The following DLC1 variants were observed in gnomAD, a reference collection of about 807,000 sequenced individuals.
The protein encoded by DLC1 is rho GTPase-activating protein 7.
Under a neutral mutation model 140.3 loss-of-function variants are expected in DLC1, and 54 were observed. The ratio of observed to expected loss-of-function variants is 0.38; its 90% CI spans 0.31 to 0.48. DLC1 has a LOEUF of 0.48. Among genes scored for constraint, DLC1 ranks in the 20% least tolerant of loss-of-function variants. The pLI is 0.96. For missense variants in DLC1, 2,536 were observed against 1,907.0 expected (o/e 1.33, Z -6.14); for synonymous variants, 986 against 728.1 (o/e 1.35, Z -5.70).
At chr8:13,396,841 C>T (rs1228681326) in intron 3 of DLC1, among the ~76,000 whole-genome samples, 1 of 152,140 alleles carries the variant, frequency 6.6e-6, no homozygotes, top group Non-Finnish European at 1.5e-5. Context: ...CTCACATCCG[C>T]TCCCTCCTTT....
intron 2 of DLC1, among the ~76,000 whole-genome samples, chr8:13,420,464 A>G (rs1838266062): frequency 6.6e-6 from 1 of 152,122 alleles, no homozygotes; most frequent in Non-Finnish European, 1.5e-5. Flanking sequence ...ATAGGTATAC[A>G]TGTGCCATGG....
intron 1 of DLC1, among the ~76,000 whole-genome samples, chr8:13,529,612 T>G (rs915604142): frequency 2.6e-5 from 4 of 152,166 alleles, no homozygotes; most frequent in Admixed American, 2.6e-4. Context: ...TTTCAACAGT[T>G]GTATCTAAAG....
intron 5 of DLC1, among the ~76,000 whole-genome samples, chr8:13,289,490 C>G (rs766625154): frequency 6.6e-6 from 1 of 152,154 alleles, no homozygotes; most frequent in Non-Finnish European, 1.5e-5. Context: ...CCATGCCCAG[C>G]TAATTGTTCA....
intron 4 of DLC1, among the ~76,000 whole-genome samples, chr8:13,366,770 C>G (rs989690867): frequency 6.6e-6 from 1 of 152,142 alleles, no homozygotes; most frequent in Admixed American, 6.6e-5. Flanking sequence ...AAAGATCTTT[C>G]CAGACCAAGG....
At chr8:13,603,599 C>G (rs1274715411) in intron 1 of DLC1, among the ~76,000 whole-genome samples, 1 of 152,056 alleles carries the variant, frequency 6.6e-6, no homozygotes, top group Non-Finnish European at 1.5e-5. Context: ...TCTTCGCTCT[C>G]TACATCATAG....
chr8:13,386,136 A>T (rs1410856047), intron 4 of DLC1, among the ~76,000 whole-genome samples: 1 of 152,130 alleles, frequency 6.6e-6, no homozygotes. Flanking sequence ...GAAAAACTAA[A>T]TTTTTCTCAT....
Position 13,451,061 on chromosome 8 carries a change from A to AAAAAAAAAAAAAAAAAAG in DLC1, c.1023+47987_1023+47988insCTTTTTTTTTTTTTTTTT, listed in dbSNP as rs1563357501. Among the ~76,000 whole-genome samples, 5 of 138,466 alleles carry AAAAAAAAAAAAAAAAAAG rather than the reference A, an allele frequency of 3.6e-5. 1 individual carries two copies. The highest frequency in any genetic ancestry group is 7.6e-5 in the Non-Finnish European group (5 of 65,560). 90.8% of individuals were successfully genotyped at this position (138,466 alleles called of 152,430 possible). On this transcript the variant is annotated intron_variant, in intron 2 of 17. Coordinates refer to ENST00000276297, the MANE Select transcript of DLC1 (RefSeq NM_182643.3). ...TCAAAAAAAAAAAAAAAAAAAAAAA[A>AAAAAAAAAAAAAAAAAAG]AAAAAAAGAAAAAAAGAAAAAGGAT...
chr8:13,329,338 C>T (rs1175440094), intron 4 of DLC1, among the ~76,000 whole-genome samples: 1 of 151,722 alleles, frequency 6.6e-6, no homozygotes, highest in African/African-American at 2.4e-5. Flanking sequence ...TGGTCCAGAT[C>T]ATTGGGATGC....
intron 5 of DLC1, among the ~76,000 whole-genome samples, chr8:13,173,235 C>T (rs553621352): frequency 4.8e-4 from 73 of 152,148 alleles, no homozygotes; most frequent in Non-Finnish European, 1.0e-3. Context: ...GGGCAGGATC[C>T]AGGTCTCTTC....
intron 1 of DLC1, among the ~76,000 whole-genome samples, chr8:13,542,990 TATCACTATTATAA>T (rs1280738595): frequency 2.6e-5 from 4 of 152,124 alleles, no homozygotes; most frequent in Admixed American, 6.5e-5. Flanking sequence ...GTCTTCTTTT[TATCACTATTATAA>T]ATCACATTGA....
chr8:13,388,469 C>T (rs1367835198), intron 4 of DLC1, among the ~76,000 whole-genome samples: 1 of 151,834 alleles, frequency 6.6e-6, no homozygotes, highest in Non-Finnish European at 1.5e-5. Flanking sequence ...CTGTGTTTAT[C>T]CTGAGAAAGT....
intron 2 of DLC1, among the ~76,000 whole-genome samples, chr8:13,428,114 C>T (rs1052167157): frequency 6.6e-6 from 1 of 152,020 alleles, no homozygotes; most frequent in African/African-American, 2.4e-5. Context: ...CTCAGTCTTT[C>T]CAGGCTTTTG....
At chr8:13,601,313 C>G (rs60100857) in intron 1 of DLC1, among the ~76,000 whole-genome samples, 20,395 of 151,582 alleles carry the variant, frequency 0.13, 1,545 homozygotes, top group African/African-American at 0.2. Flanking sequence ...TAAACAGATG[C>G]TATCTTATAC....
At chr8:13,239,140 C>T (rs920086722) in intron 5 of DLC1, among the ~76,000 whole-genome samples, 1 of 152,108 alleles carries the variant, frequency 6.6e-6, no homozygotes, top group African/African-American at 2.4e-5. Flanking sequence ...TTCTTATCTC[C>T]AGTCTACGAA....
chr8:13,406,907 G>C (rs986330260), intron 2 of DLC1, among the ~76,000 whole-genome samples: 1 of 152,178 alleles, frequency 6.6e-6, no homozygotes, highest in African/African-American at 2.4e-5. Context: ...AGCTGAACTT[G>C]AGTCAATGCT....
At chr8:13,417,128 C>G (rs1031373275) in intron 2 of DLC1, among the ~76,000 whole-genome samples, 43 of 152,182 alleles carry the variant, frequency 2.8e-4, no homozygotes, top group African/African-American at 9.4e-4. Context: ...CTGTACTAGA[C>G]TAAAGCAACA....
chr8:13,217,212 T>C (rs1478488708), intron 5 of DLC1, among the ~76,000 whole-genome samples: 2 of 152,206 alleles, frequency 1.3e-5, no homozygotes, highest in Non-Finnish European at 2.9e-5. Flanking sequence ...TTTCCATTTG[T>C]CTATGCCAGT....
chr8:13,405,980 C>G (rs1358779662), intron 2 of DLC1, among the ~76,000 whole-genome samples: 1 of 68,380 alleles, frequency 1.5e-5, no homozygotes, highest in East Asian at 5.5e-4. Flanking sequence ...TTTCATCTCT[C>G]TCTCTCTCTC....
At chr8:13,555,044 C>T (rs759298732) in intron 1 of DLC1, among the ~76,000 whole-genome samples, 2 of 152,210 alleles carry the variant, frequency 1.3e-5, no homozygotes, top group African/African-American at 2.4e-5. Context: ...AACACTTGCT[C>T]TTCTCATTGG....
Sources: gnomAD v4.1 joint callset for allele counts (sites outside exome capture counted in the v4.1 genomes callset) on GRCh38, gnomAD v4.1.1 for gene constraint, MANE v1.5 for transcripts, NCBI Gene and HGNC (gene_info 2026-07-23, HGNC 2026-07-21) for gene names.